BBX: variants seen among roughly 807,000 people sequenced by gnomAD.
The protein encoded by BBX is BBX high mobility group box domain containing.
In BBX, 30 loss-of-function variants were observed where a neutral mutation model predicts 100.2. The observed-to-expected ratio is 0.30, with a 90% CI of 0.22 to 0.41. The LOEUF (loss-of-function observed/expected upper bound fraction) is 0.41, where lower values mean the gene tolerates loss of function less well. BBX is among the 10% of genes least tolerant of loss of function. The probability of loss-of-function intolerance (pLI) is 1.00; values close to 1 mark genes in which losing one functional copy is unlikely to be tolerated. For missense variants in BBX, 1,023 were observed against 1,129.8 expected (o/e 0.91, Z 1.35); for synonymous variants, 376 against 388.1 (o/e 0.97, Z 0.37).
chr3:107,720,318 A>G (rs1320164376), intron 5 of BBX, among the ~76,000 whole-genome samples: 2 of 152,050 alleles, frequency 1.3e-5, no homozygotes, highest in African/African-American at 2.4e-5. Context: ...GGCAAGAATG[A>G]TAACAATAAA....
chr3:107,710,602 G>C lies in BBX; in HGVS notation c.142G>C (p.Glu48Gln). ...DFSEEEEEED[E>Q]EEDIDKVQLL... ...TTCAGAAGAGGAAGAAGAGGAAGAC[G>C]AAGAGGAGGATATTGATAAGGTAAG... Residue 48 changes from glutamate (E) to glutamine (Q), a missense_variant, in exon 4 of 18, where the codon GAA becomes CAA. Physicochemically the swap from Glu to Gln is conservative, Grantham distance 29. Transcript: ENST00000325805. The C allele has an allele frequency of 3.1e-6, 5 of 1,612,552 alleles. No individual in the cohort carries two copies. The highest frequency in any genetic ancestry group is 4.2e-6 in the Non-Finnish European group (5 of 1,179,152).
intron 3 of BBX, among the ~76,000 whole-genome samples, chr3:107,697,567 G>T (rs947496198): frequency 6.6e-6 from 1 of 151,912 alleles, no homozygotes; most frequent in African/African-American, 2.4e-5. Flanking sequence ...CAGATCTCCA[G>T]CCGCGTGCTG....
intron 2 of BBX, among the ~76,000 whole-genome samples, chr3:107,576,637 T>C (rs972676849): frequency 2.6e-5 from 4 of 152,194 alleles, no homozygotes; most frequent in African/African-American, 9.6e-5. Context: ...ATAAATTCAA[T>C]AAATTTGTGA....
rs2060813549 is a variant in BBX at position 107,698,434 on chromosome 3, C to G, written c.-9-12018C>G. On this transcript the variant is annotated intron_variant, in intron 3 of 17. Coordinates refer to ENST00000325805, the MANE Select transcript of BBX (RefSeq NM_001142568.3). ...TTGGGAGGCTGAAGCGGGCGGCTCA[C>G]AAGGTCAGGAGTTTGACATCAGCCT... Among the ~76,000 whole-genome samples, 2 of 151,544 alleles carry G rather than the reference C, an allele frequency of 1.3e-5. 1 individual carries two copies. Among genetic ancestry groups the G allele is most frequent in the African/African-American group, 4.9e-5 (2 of 40,942 alleles).
intron 5 of BBX, among the ~76,000 whole-genome samples, chr3:107,717,333 T>C (rs1307918874): frequency 6.6e-6 from 1 of 152,164 alleles, no homozygotes; most frequent in Non-Finnish European, 1.5e-5. Flanking sequence ...GTTCTGCTGC[T>C]AAATAGCTTT....
At chr3:107,748,583 G>A (rs1286084686) in intron 9 of BBX, among the ~76,000 whole-genome samples, 1 of 152,172 alleles carries the variant, frequency 6.6e-6, no homozygotes, top group Non-Finnish European at 1.5e-5. Flanking sequence ...CAGCCGAAGA[G>A]AGCACACACC....
chr3:107,735,611 A>G (rs971050941), intron 7 of BBX, among the ~76,000 whole-genome samples: 1 of 152,088 alleles, frequency 6.6e-6, no homozygotes, highest in Non-Finnish European at 1.5e-5. Flanking sequence ...ATTTTAACAT[A>G]GGGAATAGAT....
intron 2 of BBX, among the ~76,000 whole-genome samples, chr3:107,537,708 G>T (rs1386449133): frequency 6.6e-6 from 1 of 152,136 alleles, no homozygotes; most frequent in Non-Finnish European, 1.5e-5. Flanking sequence ...TTTCATTCAT[G>T]ACTTTTGTGT....
intron 2 of BBX, among the ~76,000 whole-genome samples, chr3:107,618,678 C>T (rs1464958491): frequency 6.6e-6 from 1 of 151,838 alleles, no homozygotes; most frequent in Non-Finnish European, 1.5e-5. Context: ...TGTTTAGTTT[C>T]CATGTGTTGG....
intron 3 of BBX, among the ~76,000 whole-genome samples, chr3:107,708,501 C>T (rs2061517332): frequency 6.6e-6 from 1 of 151,996 alleles, no homozygotes; most frequent in South Asian, 2.1e-4. Flanking sequence ...TGGTGAAACC[C>T]CGTCTCTACT....
At chr3:107,644,143 T>C (rs1399501870) in intron 2 of BBX, among the ~76,000 whole-genome samples, 1 of 152,168 alleles carries the variant, frequency 6.6e-6, no homozygotes, top group Non-Finnish European at 1.5e-5. Flanking sequence ...ATTATATTAA[T>C]AGAAACAAAT....
chr3:107,636,786 A>T (rs1331183482), intron 2 of BBX, among the ~76,000 whole-genome samples: 1 of 152,248 alleles, frequency 6.6e-6, no homozygotes, highest in African/African-American at 2.4e-5. Flanking sequence ...TATTTTAAAT[A>T]TTGACTGCTG....
At chr3:107,631,265 A>ATAGCC (rs1217064419) in intron 2 of BBX, among the ~76,000 whole-genome samples, 1 of 152,204 alleles carries the variant, frequency 6.6e-6, no homozygotes, top group Non-Finnish European at 1.5e-5. Context: ...ACATCTGACT[A>ATAGCC]TAGCCTAATC....
intron 9 of BBX, 114 bp from the exon 10 acceptor site, chr3:107,755,484 C>T: frequency 3.6e-6 from 3 of 839,176 alleles, no homozygotes; most frequent in Non-Finnish European, 5.9e-6. Flanking sequence ...TTACTTGGTA[C>T]ATGGGAGCAA....
At chr3:107,573,049 G>A (rs1174234227) in intron 2 of BBX, among the ~76,000 whole-genome samples, 1 of 152,158 alleles carries the variant, frequency 6.6e-6, no homozygotes, top group Non-Finnish European at 1.5e-5. Context: ...GAATGAGATC[G>A]TATTTACAAT....
chr3:107,710,564 A>C lies in BBX; in HGVS notation c.104A>C (p.Lys35Thr). ...CAGTGGCATCCATTGCTAGCAAAGA[A>C]ACTTCTTGATTTTTCAGAAGAGGAA... is the stretch of plus-strand genomic sequence containing the variant. ...CLQWHPLLAK[K>T]LLDFSEEEEE... is the part of the protein sequence containing the mutation. The change falls in exon 4 of 18, where the codon AAA (lysine) becomes ACA (threonine). Residue 35 changes from lysine to threonine, a missense_variant. Lys to Thr is a moderately conservative substitution (Grantham distance 78, BLOSUM62 -1). This residue lies in a region of BBX where 229 missense variants were observed against 226.3 expected (regional missense o/e 1.01). Coordinates refer to ENST00000325805, the MANE Select transcript of BBX (RefSeq NM_001142568.3). The C allele has an allele frequency of 1.2e-6, 2 of 1,614,036 alleles. No individual in the cohort carries two copies. Among genetic ancestry groups the C allele is most frequent in the East Asian group, 4.5e-5 (2 of 44,846 alleles).
chr3:107,732,101 G>T (rs1475696844), intron 6 of BBX, among the ~76,000 whole-genome samples: 1 of 152,032 alleles, frequency 6.6e-6, no homozygotes, highest in African/African-American at 2.4e-5. Context: ...ATCCAGGCCT[G>T]GGGTGCAGTG....
intron 2 of BBX, among the ~76,000 whole-genome samples, chr3:107,613,811 G>A (rs1304942304): frequency 6.6e-6 from 1 of 151,874 alleles, no homozygotes; most frequent in East Asian, 1.9e-4. Context: ...TTTGTACACG[G>A]CACATTGCAA....
chr3:107,692,616 G>C (rs1301183849), intron 3 of BBX, among the ~76,000 whole-genome samples: 2 of 151,856 alleles, frequency 1.3e-5, no homozygotes, highest in Non-Finnish European at 2.9e-5. Flanking sequence ...ATTTGGGTTG[G>C]TTCCAAGTCT....
Sources: gnomAD v4.1 joint callset for allele counts (sites outside exome capture counted in the v4.1 genomes callset) on GRCh38, gnomAD v4.1.1 for gene constraint, gnomAD v4.1.1 regional missense constraint, MANE v1.5 for transcripts, NCBI Gene and HGNC (gene_info 2026-07-23, HGNC 2026-07-21) for gene names.